GJA10: variants seen among roughly 807,000 people sequenced by gnomAD.
GJA10 encodes gap junction alpha-10 protein.
For synonymous variants in GJA10, 239 were observed against 233.0 expected (o/e 1.03, Z -0.23); for missense variants, 685 against 651.9 (o/e 1.05, Z -0.55).
Position 89,894,877 on chromosome 6 carries a change from A to G in GJA10, c.409A>G (p.Arg137Gly), listed in dbSNP as rs761028588. 7.4e-6 allele frequency: 12 copies of G among 1,614,020 alleles called. No individual in the cohort carries two copies. The highest frequency in any genetic ancestry group is 1.0e-5 in the Non-Finnish European group (12 of 1,180,036). Residue 137 changes from arginine to glycine, a missense_variant, in exon 1 of 1, where the codon AGG becomes GGG. Coordinates refer to ENST00000369352, the MANE Select transcript of GJA10 (RefSeq NM_032602.2). ...GCAAAGAATAGATAGGGAACTGAGG[A>G]GGTTAGAGGAGCAGAAGAGGATCCA... The part of the protein sequence containing the change: ...EQQRIDRELR[R>G]LEEQKRIHKV...
Position 89,895,120 on chromosome 6 carries a change from A to G in GJA10, c.652A>G (p.Ile218Val), listed in dbSNP as rs1466324550. 1.2e-6 allele frequency: 2 copies of G among 1,614,042 alleles called. No individual in the cohort carries two copies. The highest frequency in any genetic ancestry group is 2.7e-5 in the African/African-American group (2 of 74,910). The change falls in exon 1 of 1, where the codon ATT becomes GTT. Residue 218 changes from isoleucine to valine, a missense_variant. By Grantham distance (29) the Ile-to-Val change is conservative. Coordinates refer to ENST00000369352, the MANE Select transcript of GJA10 (RefSeq NM_032602.2). ...AATTTTCATGCTTTTTATGCACAGC[A>G]TTGCAGCCATTTCCTTGTTACTCAA... Reference protein sequence around the residue: ...KTIFMLFMHSIAAISLLLNIL... With the variant: ...KTIFMLFMHSVAAISLLLNIL...
Position 89,894,919 on chromosome 6 carries a change from G to A in GJA10, c.451G>A (p.Gly151Arg). 1 of 1,614,178 alleles carries A rather than the reference G, an allele frequency of 6.2e-7. No individual in the cohort carries two copies. Among genetic ancestry groups the A allele is most frequent in the East Asian group, 2.2e-5 (1 of 44,882 alleles). ...QKRIHKVPLK[G>R]CLLRTYVLHI... Reference sequence around the variant, plus strand: ...GAGGATCCATAAAGTCCCTCTGAAAGGATGTCTGCTGCGTACTTATGTCTT... The same window carrying A: ...GAGGATCCATAAAGTCCCTCTGAAAAGATGTCTGCTGCGTACTTATGTCTT... The change falls in exon 1 of 1, where the codon GGA becomes AGA. Residue 151 changes from glycine (G) to arginine (R), a missense_variant. Transcript: ENST00000369352.
rs141044020 is a variant in GJA10 at position 89,894,547 on chromosome 6, A to T, written c.79A>T (p.Thr27Ser). The part of the protein sequence containing the change: ...HSTIVGKIWL[T>S]ILFIFRMLVL... The stretch of plus-strand genomic sequence containing the variant: ...AACCATAGTGGGGAAAATCTGGCTG[A>T]CCATCCTCTTCATCTTCCGAATGCT... Residue 27 changes from threonine to serine, a missense_variant, in exon 1 of 1, where the codon ACC becomes TCC. By Grantham distance (58) the Thr-to-Ser change is moderately conservative (BLOSUM62 1). Transcript: ENST00000369352. 110 of 1,614,210 alleles carry T rather than the reference A, an allele frequency of 6.8e-5. No homozygotes were observed. The African/African-American group carries it at 1.3e-3, about 19-fold the overall frequency.
At position 89,894,526 on chromosome 6, in the gene GJA10, A is replaced by G. The variant is rs370581945; in HGVS notation, c.58A>G (p.Ile20Val). ...ILEEVHSHST[I>V]VGKIWLTILF... ...AGAGGAAGTTCACTCCCACTCAACC[A>G]TAGTGGGGAAAATCTGGCTGACCAT... Residue 20 changes from isoleucine (I) to valine (V), a missense_variant, in exon 1 of 1, where the codon ATA becomes GTA. By Grantham distance (29) the Ile-to-Val change is conservative (BLOSUM62 3). Coordinates refer to ENST00000369352, the MANE Select transcript of GJA10 (RefSeq NM_032602.2). The G allele has an allele frequency of 1.2e-6, 2 of 1,614,050 alleles. No individual in the cohort carries two copies. Among genetic ancestry groups the G allele is most frequent in the African/African-American group, 2.7e-5 (2 of 74,936 alleles).
In GJA10 at chr6:89,895,608, C is replaced by G. The variant is rs1380747955; in HGVS notation, c.1140C>G (p.Ser380=). ...CTACGGCTCCTAGAAACTGTCCATC[C>G]TTTGCAGTAGGAACCTGGGAGCAGT... ...GTTTAPRNCP[S]FAVGTWEQSQ... Residue 380 remains serine (S), a synonymous_variant, in exon 1 of 1, where the codon TCC becomes TCG. Transcript: ENST00000369352. 1.2e-6 allele frequency: 2 copies of G among 1,614,180 alleles called. No homozygotes were observed. The highest frequency in any genetic ancestry group is 1.3e-5 in the African/African-American group (1 of 75,062).
In GJA10 at chr6:89,895,766, T is replaced by G; in HGVS notation, c.1298T>G (p.Leu433Arg). The change falls in exon 1 of 1, where the codon CTG becomes CGG. Residue 433 changes from leucine (L) to arginine (R), a missense_variant. Coordinates refer to ENST00000369352, the MANE Select transcript of GJA10 (RefSeq NM_032602.2). ...CCAGGCAGTCGCAAGGCCAGCTTTC[T>G]GTCCAGATTGTTGTCTGAAAAGCGA... ...SRPGSRKASF[L>R]SRLLSEKRHL... is the part of the protein sequence containing the mutation. The G allele has an allele frequency of 6.2e-7, 1 of 1,614,192 alleles. No homozygotes were observed. The highest frequency in any genetic ancestry group is 8.5e-7 in the Non-Finnish European group (1 of 1,180,040).
chr6:89,895,609 T>C lies in GJA10; in HGVS notation c.1141T>C (p.Phe381Leu), dbSNP rs769193295. 10 of 1,614,138 alleles carry C rather than the reference T, an allele frequency of 6.2e-6. No individual in the cohort carries two copies. Among genetic ancestry groups the C allele is most frequent in the Non-Finnish European group, 7.6e-6 (9 of 1,180,032 alleles). ...TTTAPRNCPS[F>L]AVGTWEQSQD... ...TACGGCTCCTAGAAACTGTCCATCC[T>C]TTGCAGTAGGAACCTGGGAGCAGTC... The change falls in exon 1 of 1, where the codon TTT (phenylalanine) becomes CTT (leucine). Residue 381 changes from phenylalanine to leucine, a missense_variant. Coordinates refer to ENST00000369352, the MANE Select transcript of GJA10 (RefSeq NM_032602.2).
Position 89,894,680 on chromosome 6 carries a change from C to G in GJA10, c.212C>G (p.Pro71Arg). The change falls in exon 1 of 1, where the codon CCT becomes CGT. Residue 71 changes from proline (P) to arginine (R), a missense_variant. Transcript: ENST00000369352. ...AATATCTGTTATGATGATGCATTCCCTATCTCTTTGATCAGGTTCTGGGTT... is the reference window on the plus strand; with the variant it reads ...AATATCTGTTATGATGATGCATTCCGTATCTCTTTGATCAGGTTCTGGGTT... ...CNNICYDDAFPISLIRFWVLQ... is the reference protein window; with the variant it reads ...CNNICYDDAFRISLIRFWVLQ... The G allele has an allele frequency of 6.2e-7, 1 of 1,614,232 alleles. No homozygotes were observed. The highest frequency in any genetic ancestry group is 8.5e-7 in the Non-Finnish European group (1 of 1,180,042).
In GJA10 at chr6:89,895,076, C is replaced by T. The variant is rs533255570; in HGVS notation, c.608C>T (p.Ser203Phe). The T allele has an allele frequency of 1.2e-6, 2 of 1,614,142 alleles. No individual in the cohort carries two copies. The highest frequency in any genetic ancestry group is 1.7e-6 in the Non-Finnish European group (2 of 1,180,034). Residue 203 changes from serine to phenylalanine, a missense_variant, in exon 1 of 1, where the codon TCC becomes TTC. Physicochemically the swap from Ser to Phe is radical, Grantham distance 155. Transcript: ENST00000369352. ...CCCAATGCGGTGGATTGCTTTGTATCCAGGCCCACTGAGAAGACAATTTTC... is the reference window on the plus strand; with the variant it reads ...CCCAATGCGGTGGATTGCTTTGTATTCAGGCCCACTGAGAAGACAATTTTC... ...PCPNAVDCFV[S>F]RPTEKTIFML...
In GJA10 at chr6:89,894,683, T is replaced by A. The variant is rs368495843; in HGVS notation, c.215T>A (p.Ile72Asn). ...NNICYDDAFP[I>N]SLIRFWVLQI... ...ATCTGTTATGATGATGCATTCCCTA[T>A]CTCTTTGATCAGGTTCTGGGTTTTA... Residue 72 changes from isoleucine to asparagine, a missense_variant, in exon 1 of 1, where the codon ATC (isoleucine) becomes AAC (asparagine). Ile to Asn is a moderately radical substitution (Grantham distance 149). Transcript: ENST00000369352. 57 of 1,614,234 alleles carry A rather than the reference T, an allele frequency of 3.5e-5. No homozygotes were observed. In the African/African-American group the frequency reaches 7.1e-4, roughly 20 times the overall value.
rs1771714250 is a variant in GJA10, at chr6:89,894,695, G to T, written c.227G>T (p.Arg76Met). 6.2e-7 allele frequency: 1 copy of T among 1,614,202 alleles called. No homozygotes were observed. Among genetic ancestry groups the T allele is most frequent in the African/African-American group, 1.3e-5 (1 of 75,038 alleles). ...GATGCATTCCCTATCTCTTTGATCA[G>T]GTTCTGGGTTTTACAGATCATCTTT... ...YDDAFPISLIRFWVLQIIFVS... is the reference protein window; with the variant it reads ...YDDAFPISLIMFWVLQIIFVS... The change falls in exon 1 of 1, where the codon AGG becomes ATG. Residue 76 changes from arginine to methionine, a missense_variant. Coordinates refer to ENST00000369352, the MANE Select transcript of GJA10 (RefSeq NM_032602.2).
chr6:89,895,411 C>A lies in GJA10; in HGVS notation c.943C>A (p.Pro315Thr). The A allele has an allele frequency of 6.2e-7, 1 of 1,614,216 alleles. No individual in the cohort carries two copies. Among genetic ancestry groups the A allele is most frequent in the Non-Finnish European group, 8.5e-7 (1 of 1,180,042 alleles). The stretch of plus-strand genomic sequence containing the variant: ...ACAGCCAAGGCAACTTGAAGTAGAC[C>A]CTTCCAATGGGAAAAAGGACTGGTC... The part of the protein sequence containing the change: ...IPQPRQLEVD[P>T]SNGKKDWSEK... Residue 315 changes from proline to threonine, a missense_variant, in exon 1 of 1, where the codon CCT becomes ACT. Transcript: ENST00000369352.
Position 89,895,061 on chromosome 6 carries a change from T to G in GJA10, c.593T>G (p.Val198Gly), listed in dbSNP as rs142062976. The stretch of plus-strand genomic sequence containing the variant: ...ACTCAACCTCCTTGCCCCAATGCGG[T>G]GGATTGCTTTGTATCCAGGCCCACT... ...KCTQPPCPNA[V>G]DCFVSRPTEK... The change falls in exon 1 of 1, where the codon GTG becomes GGG. Residue 198 changes from valine (V) to glycine (G), a missense_variant. Val to Gly is a moderately radical substitution (Grantham distance 109). Coordinates refer to ENST00000369352, the MANE Select transcript of GJA10 (RefSeq NM_032602.2). 8.6e-4 allele frequency: 1,383 copies of G among 1,614,170 alleles called. 1 individual carries two copies. Among genetic ancestry groups the G allele is most frequent in the Non-Finnish European group, 1.1e-3 (1,261 of 1,180,028 alleles).
Position 89,895,205 on chromosome 6 carries a change from C to A in GJA10, c.737C>A (p.Ser246Tyr). The change falls in exon 1 of 1, where the codon TCC becomes TAC. Residue 246 changes from serine to tyrosine, a missense_variant. Transcript: ENST00000369352. ...ATTATGAGGACACTTTATAAGAAATCCAGCAGTGAGGGCATTGAGGATGAA... is the reference window on the plus strand; with the variant it reads ...ATTATGAGGACACTTTATAAGAAATACAGCAGTGAGGGCATTGAGGATGAA... ...RKIMRTLYKK[S>Y]SSEGIEDETG... 1 of 1,614,126 alleles carries A rather than the reference C, an allele frequency of 6.2e-7. No homozygotes were observed. The highest frequency in any genetic ancestry group is 1.1e-5 in the South Asian group (1 of 91,078).
rs770491359 is a variant in GJA10 at position 89,894,732 on chromosome 6, T to C, written c.264T>C (p.Pro88=). Residue 88 remains proline, a synonymous_variant, in exon 1 of 1, where the codon CCT becomes CCC. Coordinates refer to ENST00000369352, the MANE Select transcript of GJA10 (RefSeq NM_032602.2). Reference sequence around the variant, plus strand: ...TACAGATCATCTTTGTGTCTTCTCCTTCTTTGGTCTATATGGGCCATGCAC... The same window carrying C: ...TACAGATCATCTTTGTGTCTTCTCCCTCTTTGGTCTATATGGGCCATGCAC... ...WVLQIIFVSS[P]SLVYMGHALY... The C allele has an allele frequency of 2.5e-6, 4 of 1,614,120 alleles. No individual in the cohort carries two copies. The highest frequency in any genetic ancestry group is 3.4e-6 in the Non-Finnish European group (4 of 1,180,062).
rs771313348 is a variant in GJA10, at chr6:89,895,242, A to T, written c.774A>T (p.Pro258=). 6.2e-7 allele frequency: 1 copy of T among 1,614,110 alleles called. No homozygotes were observed. Among genetic ancestry groups the T allele is most frequent in the Non-Finnish European group, 8.5e-7 (1 of 1,180,044 alleles). The change falls in exon 1 of 1, where the codon CCA becomes CCT. Residue 258 remains proline (P), a synonymous_variant. Coordinates refer to ENST00000369352, the MANE Select transcript of GJA10 (RefSeq NM_032602.2). Reference sequence around the variant, plus strand: ...GCATTGAGGATGAAACAGGCCCTCCATTCCATTTGAAGAAATATTCTGTGG... The same window carrying T: ...GCATTGAGGATGAAACAGGCCCTCCTTTCCATTTGAAGAAATATTCTGTGG... The part of the protein sequence containing the change: ...SEGIEDETGP[P]FHLKKYSVAQ...
Position 89,895,928 on chromosome 6 carries a change from C to G in GJA10, c.1460C>G (p.Pro487Arg), listed in dbSNP as rs150458704. 1 of 1,614,164 alleles carries G rather than the reference C, an allele frequency of 6.2e-7. No homozygotes were observed. The highest frequency in any genetic ancestry group is 8.5e-7 in the Non-Finnish European group (1 of 1,180,024). The change falls in exon 1 of 1, where the codon CCG becomes CGG. Residue 487 changes from proline (P) to arginine (R), a missense_variant. By Grantham distance (103) the Pro-to-Arg change is moderately radical. Coordinates refer to ENST00000369352, the MANE Select transcript of GJA10 (RefSeq NM_032602.2). ...TCAATGGTAAGACAGGCAGCCCTAC[C>G]GATCATGGAACTATCACAAGAGCTG... Reference protein sequence around the residue: ...RTSMVRQAALPIMELSQELFH... With the variant: ...RTSMVRQAALRIMELSQELFH...
chr6:89,895,083 CACTGAGAAG>C lies in GJA10; in HGVS notation c.618_626del (p.Glu207_Thr209del), dbSNP rs1458801260. 6.2e-7 allele frequency: 1 copy of C among 1,614,142 alleles called. No homozygotes were observed. Among genetic ancestry groups the C allele is most frequent in the East Asian group, 2.2e-5 (1 of 44,884 alleles). ...CGGTGGATTGCTTTGTATCCAGGCC[CACTGAGAAG>C]ACAATTTTCATGCTTTTTATGCACA... On this transcript the variant is annotated inframe_deletion, in exon 1 of 1. Transcript: ENST00000369352.
At position 89,895,443 on chromosome 6, in the gene GJA10, G is replaced by T; in HGVS notation, c.975G>T (p.Lys325Asn). Residue 325 changes from lysine (K) to asparagine (N), a missense_variant, in exon 1 of 1, where the codon AAG becomes AAT. Coordinates refer to ENST00000369352, the MANE Select transcript of GJA10 (RefSeq NM_032602.2). ...PSNGKKDWSE[K>N]DQHSGQLHVH... Reference sequence around the variant, plus strand: ...ATGGGAAAAAGGACTGGTCTGAGAAGGATCAGCATAGCGGACAGCTCCATG... The same window carrying T: ...ATGGGAAAAAGGACTGGTCTGAGAATGATCAGCATAGCGGACAGCTCCATG... 1.2e-6 allele frequency: 2 copies of T among 1,614,234 alleles called. No individual in the cohort carries two copies. The highest frequency in any genetic ancestry group is 3.3e-5 in the Admixed American group (2 of 60,026).
Sources: allele counts gnomAD v4.1 joint callset, GRCh38; gene constraint gnomAD v4.1.1; transcripts MANE v1.5; gene names NCBI Gene and HGNC (gene_info 2026-07-23, HGNC 2026-07-21).